Variants in ARRDC3 observed in about 807,000 individuals in gnomAD.
ARRDC3 encodes the protein arrestin domain-containing protein 3.
ARRDC3 carries 10 observed loss-of-function variants against 47.2 expected under a neutral mutation model. The ratio of observed to expected loss-of-function variants is 0.21; its 90% CI spans 0.13 to 0.36. The LOEUF (loss-of-function observed/expected upper bound fraction) is 0.36. ARRDC3 is among the 10% of genes least tolerant of loss of function. The probability of loss-of-function intolerance (pLI) is 1.00; values close to 1 mark genes in which losing one functional copy is unlikely to be tolerated. For missense variants in ARRDC3, 381 were observed against 503.6 expected (o/e 0.76, Z 2.33); for synonymous variants, 156 against 178.3 (o/e 0.87, Z 1.00).
Position 91,369,599 on chromosome 5 carries a change from A to G in ARRDC3, c.*1801T>C, listed in dbSNP as rs1057127913. On this transcript the variant is annotated 3_prime_UTR_variant, in exon 8 of 8. Coordinates refer to ENST00000265138, the MANE Select transcript of ARRDC3 (RefSeq NM_020801.4). ...ATGAGCTTTAAGACAGTATTTAACCAGGTCAAGCACCAAGCCAGAGCTACT... is the reference window on the plus strand; with the variant it reads ...ATGAGCTTTAAGACAGTATTTAACCGGGTCAAGCACCAAGCCAGAGCTACT... 1.3e-5 allele frequency: 2 copies of G among 152,678 alleles called. No homozygotes were observed. The highest frequency in any genetic ancestry group is 2.9e-5 in the Non-Finnish European group (2 of 68,024). 9.5% of individuals were successfully genotyped at this position (152,678 alleles called of 1,614,324 possible). A position where few individuals can be genotyped will look rare whatever the true frequency, so the allele number is the denominator to read the frequency against.
intron 1 of ARRDC3, among the ~76,000 whole-genome samples, chr5:91,382,164 C>T (rs954287901): frequency 2.6e-5 from 4 of 152,110 alleles, no homozygotes; most frequent in African/African-American, 9.7e-5. Context: ...GGCTTCTAAA[C>T]CTGACTCGAT....
chr5:91,375,153 C>A lies in ARRDC3; in HGVS notation c.639G>T (p.Glu213Asp). Residue 213 changes from glutamate to aspartate, a missense_variant, in exon 5 of 8, where the codon GAG becomes GAT. Transcript: ENST00000265138. ...CCATTCGGGAAGAGCAGTTCTCAAT[C>A]TCAGCAAATATCTGAATTGATTCAC... is the stretch of plus-strand genomic sequence containing the variant. The part of the protein sequence containing the change: ...TPGESIQIFA[E>D]IENCSSRMVV... 1.2e-6 allele frequency: 2 copies of A among 1,613,584 alleles called. No individual in the cohort carries two copies. The highest frequency in any genetic ancestry group is 1.7e-6 in the Non-Finnish European group (2 of 1,179,948).
At chr5:91,376,358 C>G (rs1472026546) in intron 3 of ARRDC3, among the ~76,000 whole-genome samples, 1 of 152,104 alleles carries the variant, frequency 6.6e-6, no homozygotes, top group Non-Finnish European at 1.5e-5. Context: ...TTATGGCTGT[C>G]ATACTCTGAG....
chr5:91,382,403 A>T (rs1799474888), intron 1 of ARRDC3, among the ~76,000 whole-genome samples: 1 of 152,252 alleles, frequency 6.6e-6, no homozygotes, highest in Non-Finnish European at 1.5e-5. Context: ...ATGTTATTAC[A>T]TTTCTTGATC....
chr5:91,375,507 A>G lies in ARRDC3; in HGVS notation c.613+4T>C, dbSNP rs771629751. On this transcript the variant is annotated splice_donor_region_variant and intron_variant, in intron 4 of 7. Coordinates refer to ENST00000265138, the MANE Select transcript of ARRDC3 (RefSeq NM_020801.4). ...TTTTTTGTGGGAATCTACCTCTTAC[A>G]TACCTGGGGTATAGCCCTTCCTTTC... 3.1e-6 allele frequency: 5 copies of G among 1,593,086 alleles called. No homozygotes were observed.
chr5:91,382,653 C>A (rs1321386431), intron 1 of ARRDC3, among the ~76,000 whole-genome samples, 160 bp downstream of exon 1: 5 of 152,248 alleles, frequency 3.3e-5, no homozygotes, highest in Non-Finnish European at 7.3e-5. Flanking sequence ...TACGGCTTAA[C>A]ACACGATGAA....
At chr5:91,377,009 T>C (rs558192894) in intron 2 of ARRDC3, among the ~76,000 whole-genome samples, 4 of 152,326 alleles carry the variant, frequency 2.6e-5, no homozygotes, top group African/African-American at 9.6e-5. Flanking sequence ...ATACAATCCA[T>C]TTAAACTAAG....
At position 91,373,842 on chromosome 5, in the gene ARRDC3, A is replaced by C. The variant is rs1799237665; in HGVS notation, c.1034-4T>G. 2 of 1,613,878 alleles carry C rather than the reference A, an allele frequency of 1.2e-6. No homozygotes were observed. Among genetic ancestry groups the C allele is most frequent in the East Asian group, 2.2e-5 (1 of 44,874 alleles). On this transcript the variant is annotated splice_region_variant and splice_polypyrimidine_tract_variant and intron_variant, in intron 6 of 7. Coordinates refer to ENST00000265138, the MANE Select transcript of ARRDC3 (RefSeq NM_020801.4). ...ACTTCTGCATAGCTGGGTGGTGCTG[A>C]AGGAAAAAGATACACGCAATTCGAA... is the stretch of plus-strand genomic sequence containing the variant.
chr5:91,379,327 T>C (rs923507204), intron 1 of ARRDC3, among the ~76,000 whole-genome samples: 1 of 149,926 alleles, frequency 6.7e-6, no homozygotes, highest in African/African-American at 2.4e-5. Flanking sequence ...ACATTGATTT[T>C]AATGTCAGAT....
chr5:91,380,664 G>C (rs879383913), intron 1 of ARRDC3: 1 of 152,268 alleles, frequency 6.6e-6, no homozygotes, highest in Non-Finnish European at 1.5e-5. Flanking sequence ...GTTCACAGGA[G>C]TCCCCTGACA....
At chr5:91,373,171 T>C (rs1023641409) in intron 7 of ARRDC3, among the ~76,000 whole-genome samples, 1 of 152,226 alleles carries the variant, frequency 6.6e-6, no homozygotes, top group East Asian at 1.9e-4. Flanking sequence ...GGCCATGTTT[T>C]ATTTACATTT....
chr5:91,382,478 C>T (rs1799475683), intron 1 of ARRDC3, among the ~76,000 whole-genome samples: 1 of 152,220 alleles, frequency 6.6e-6, no homozygotes. Context: ...GCAGCTTTTA[C>T]CAATTCATTT....
At chr5:91,376,511 AAAG>A (rs1799306291) in intron 3 of ARRDC3, 107 bp downstream of exon 3, 1 of 1,002,504 alleles carries the variant, frequency 1.0e-6, no homozygotes, top group South Asian at 1.9e-5. Context: ...TGAAATTTTA[AAAG>A]AAAACCAGTA....
Position 91,376,767 on chromosome 5 carries a change from G to A in ARRDC3, c.364C>T (p.Pro122Ser). Residue 122 changes from proline to serine, a missense_variant and splice_region_variant, in exon 3 of 8, where the codon CCA becomes TCA. Physicochemically the swap from Pro to Ser is moderately conservative, Grantham distance 74 (BLOSUM62 -1). Coordinates refer to ENST00000265138, the MANE Select transcript of ARRDC3 (RefSeq NM_020801.4). Reference protein sequence around the residue: ...YAFSFELPQTPLATSFEGRHG... With the variant: ...YAFSFELPQTSLATSFEGRHG... ...CGGCCTTCGAATGAGGTAGCGAGTG[G>A]TCTGTGCAGAATATAAAGGTCAATA... 1.2e-6 allele frequency: 2 copies of A among 1,612,632 alleles called. No individual in the cohort carries two copies. The highest frequency in any genetic ancestry group is 1.7e-6 in the Non-Finnish European group (2 of 1,179,500).
intron 1 of ARRDC3, among the ~76,000 whole-genome samples, chr5:91,382,225 G>A (rs1461153636): frequency 6.6e-6 from 1 of 152,194 alleles, no homozygotes; most frequent in Non-Finnish European, 1.5e-5. Flanking sequence ...AATGCTGGGT[G>A]TAAATTTTTA....
intron 3 of ARRDC3, among the ~76,000 whole-genome samples, chr5:91,376,185 C>T (rs1469424080): frequency 1.3e-5 from 2 of 152,040 alleles, no homozygotes; most frequent in Non-Finnish European, 2.9e-5. Flanking sequence ...TTTAATGAAA[C>T]TAATGATTCC....
chr5:91,378,809 A>G (rs1202598639), intron 1 of ARRDC3, 34 bp from the exon 2 acceptor site: 1 of 1,403,074 alleles, frequency 7.1e-7, no homozygotes, highest in Admixed American at 2.0e-5. Context: ...CAAAGAATTT[A>G]TTATTCAACA....
At chr5:91,382,716 A>C in intron 1 of ARRDC3, 97 bp downstream of exon 1, 1 of 1,300,118 alleles carries the variant, frequency 7.7e-7, no homozygotes, top group Non-Finnish European at 1.1e-6. Context: ...CAAACTGCTT[A>C]GTTATGCTAG....
chr5:91,379,866 A>C (rs997572008), intron 1 of ARRDC3: 1 of 152,214 alleles, frequency 6.6e-6, no homozygotes. Flanking sequence ...GGAAAAAAGC[A>C]TGTATACGTC....
Sources: gnomAD v4.1 joint callset for allele counts (sites outside exome capture counted in the v4.1 genomes callset) on GRCh38, gnomAD v4.1.1 for gene constraint, MANE v1.5 for transcripts, NCBI Gene and HGNC (gene_info 2026-07-23, HGNC 2026-07-21) for gene names.